TCF7L2: variants seen among roughly 807,000 people sequenced by gnomAD.
TCF7L2 encodes the protein transcription factor 7 like 2.
In TCF7L2, 23 loss-of-function variants were observed where a neutral mutation model predicts 77.9. The observed-to-expected ratio is 0.30, with a 90% confidence interval of 0.21 to 0.42. The LOEUF (loss-of-function observed/expected upper bound fraction) is 0.42, where lower values mean the gene tolerates loss of function less well. Ranked by LOEUF, TCF7L2 falls within the 10% of genes least tolerant of loss-of-function variation. TCF7L2 has a pLI of 1.00. For synonymous variants in TCF7L2, 413 were observed against 340.2 expected, an observed-to-expected ratio of 1.21 and a Z score of -2.36; for missense variants, 654 against 793.1, an observed-to-expected ratio of 0.82 and a Z score of 2.11.
chr10:113,031,462 G>A (rs372122969), intron 4 of TCF7L2, among the ~76,000 whole-genome samples: 1 of 150,706 alleles, frequency 6.6e-6, no homozygotes, highest in Admixed American at 6.6e-5. Context: ...AGCCAGCAAG[G>A]TTTGGATACT....
chr10:112,973,651 G>A (rs1206627120), intron 4 of TCF7L2, among the ~76,000 whole-genome samples: 3 of 152,124 alleles, frequency 2.0e-5, no homozygotes, highest in Non-Finnish European at 4.4e-5. Flanking sequence ...GTACAGTGGT[G>A]CCATCTCGGC....
At chr10:113,072,427 T>C (rs1317969786) in intron 5 of TCF7L2, among the ~76,000 whole-genome samples, 2 of 152,038 alleles carry the variant, frequency 1.3e-5, no homozygotes, top group Non-Finnish European at 2.9e-5. Context: ...GGATCTCGCC[T>C]CACTGCAACT....
rs398014821 is a variant in TCF7L2, at chr10:113,107,752, T to TAAA, written c.553-33410_553-33408dup. Among the ~76,000 whole-genome samples the TAAA allele has an allele frequency of 5.5e-3, 306 of 55,154 alleles. 15 individuals are homozygous for TAAA. Among genetic ancestry groups the TAAA allele is most frequent in the East Asian group, 0.017 (31 of 1,872 alleles). 36.2% of individuals were successfully genotyped at this position (55,154 alleles called of 152,430 possible). ...CTGGGCGACCGAGCGAGACTCCGTC[T>TAAA]AAAAAAAAAAAAAAAAAAAAAAAAC... On this transcript the variant is annotated intron_variant, in intron 5 of 13. Transcript: ENST00000627217.
Position 113,141,166 on chromosome 10 carries a change from C to T in TCF7L2, c.553-18C>T, listed in dbSNP as rs1181301927. On this transcript the variant is annotated intron_variant, in intron 5 of 13. Transcript: ENST00000627217. ...GGAACCGGCTTGACGGTGTCTTTCT[C>T]TGTTCTCCTCCCCACAGTCTAACAA... 2 of 1,613,436 alleles carry T rather than the reference C, an allele frequency of 1.2e-6. No homozygotes were observed. The highest frequency in any genetic ancestry group is 2.2e-5 in the East Asian group (1 of 44,868).
At chr10:112,961,880 C>T (rs1338955454) in intron 3 of TCF7L2, among the ~76,000 whole-genome samples, 1 of 149,628 alleles carries the variant, frequency 6.7e-6, no homozygotes, top group Admixed American at 6.6e-5. Context: ...TGTGGGCGCT[C>T]GCGTGTGCGT....
chr10:113,024,771 C>T (rs761110309), intron 4 of TCF7L2, among the ~76,000 whole-genome samples: 23 of 151,690 alleles, frequency 1.5e-4, no homozygotes, highest in Admixed American at 5.9e-4. Context: ...AGGGGCTTCC[C>T]ACCACGCACA....
intron 4 of TCF7L2, among the ~76,000 whole-genome samples, chr10:112,968,648 G>T (rs1260884593): frequency 6.6e-6 from 1 of 151,910 alleles, no homozygotes; most frequent in Non-Finnish European, 1.5e-5. Context: ...GCGTGATCTC[G>T]GCTCACTGCA....
At chr10:113,025,901 A>G (rs1484238844) in intron 4 of TCF7L2, among the ~76,000 whole-genome samples, 1 of 149,274 alleles carries the variant, frequency 6.7e-6, no homozygotes, top group East Asian at 1.9e-4. Flanking sequence ...TTTTTTAGAT[A>G]GAGTCTTGCT....
chr10:113,103,533 C>G (rs2061911233), intron 5 of TCF7L2, among the ~76,000 whole-genome samples: 1 of 152,132 alleles, frequency 6.6e-6, no homozygotes, highest in African/African-American at 2.4e-5. Context: ...AGAGGAAAGT[C>G]TGCTTTGGAG....
chr10:113,094,871 C>T (rs1313361146), intron 5 of TCF7L2, among the ~76,000 whole-genome samples: 2 of 152,204 alleles, frequency 1.3e-5, no homozygotes, highest in Admixed American at 6.5e-5. Context: ...GAAATCCCAA[C>T]ACTTTGAGAG....
chr10:112,985,367 C>T (rs1312212417), intron 4 of TCF7L2, among the ~76,000 whole-genome samples: 1 of 152,186 alleles, frequency 6.6e-6, no homozygotes, highest in African/African-American at 2.4e-5. Flanking sequence ...ACTTCAGGAT[C>T]CTTCCATGGG....
chr10:113,126,903 C>A, intron 5 of TCF7L2: 1 of 985,366 alleles, frequency 1.0e-6, no homozygotes, highest in Non-Finnish European at 1.2e-6. Flanking sequence ...CGGCGGCGGG[C>A]GGGCGGGCAG....
At chr10:113,127,289 A>C (rs1592065125) in intron 5 of TCF7L2, among the ~76,000 whole-genome samples, 1 of 145,906 alleles carries the variant, frequency 6.9e-6, no homozygotes, top group African/African-American at 2.5e-5. Flanking sequence ...CCAATGCTCC[A>C]CCCTCCTCGC....
intron 5 of TCF7L2, among the ~76,000 whole-genome samples, chr10:113,097,134 T>C (rs1054686616): frequency 5.3e-5 from 8 of 152,176 alleles, no homozygotes; most frequent in Admixed American, 6.5e-5. Context: ...CTCTGTCACG[T>C]AGTGCTCATC....
At chr10:113,128,378 C>T (rs1045372739) in intron 5 of TCF7L2, among the ~76,000 whole-genome samples, 3 of 152,028 alleles carry the variant, frequency 2.0e-5, no homozygotes, top group Non-Finnish European at 2.9e-5. Context: ...TGGGGAGCGG[C>T]GAGGGTGATT....
intron 5 of TCF7L2, among the ~76,000 whole-genome samples, chr10:113,061,162 CT>C (rs1207596780): frequency 8.5e-5 from 13 of 152,110 alleles, no homozygotes; most frequent in African/African-American, 3.1e-4. Context: ...AAATCAAGCT[CT>C]TGACCTCATG....
chr10:113,142,172 T>G (rs1564953223), intron 6 of TCF7L2, among the ~76,000 whole-genome samples: 1 of 152,144 alleles, frequency 6.6e-6, no homozygotes, highest in Non-Finnish European at 1.5e-5. Flanking sequence ...ACCCGGCTAA[T>G]TTTTGTATTT....
intron 4 of TCF7L2, among the ~76,000 whole-genome samples, chr10:113,008,723 C>T (rs1401229783): frequency 6.6e-6 from 1 of 152,084 alleles, no homozygotes; most frequent in Non-Finnish European, 1.5e-5. Context: ...CTTTGTACTG[C>T]CTAAAACCAT....
chr10:113,071,191 G>A (rs2135214443), intron 5 of TCF7L2, among the ~76,000 whole-genome samples: 1 of 152,278 alleles, frequency 6.6e-6, no homozygotes, highest in East Asian at 1.9e-4. Context: ...GCTACAAGAA[G>A]ACAGAATGTA....
Sources: allele counts gnomAD v4.1 joint callset (sites outside exome capture counted in the v4.1 genomes callset), GRCh38; gene constraint gnomAD v4.1.1; transcripts MANE v1.5; gene names NCBI Gene and HGNC (gene_info 2026-07-23, HGNC 2026-07-21).